NRXN3: variants seen among roughly 807,000 people sequenced by gnomAD.
The protein encoded by NRXN3 is neurexin 3.
NRXN3 carries 32 observed loss-of-function variants against 137.6 expected under a neutral mutation model. The ratio of observed to expected loss-of-function variants is 0.23; its 90% CI spans 0.18 to 0.31. NRXN3 has a LOEUF of 0.31. NRXN3 is among the 10% of genes least tolerant of loss of function. The pLI, the probability that NRXN3 is intolerant of heterozygous loss-of-function variation, is 1.00. For missense variants in NRXN3, 1,574 were observed against 2,062.5 expected (o/e 0.76, Z 4.59); for synonymous variants, 798 against 784.5 (o/e 1.02, Z -0.29).
chr14:79,397,062 A>G (rs1404083752), intron 15 of NRXN3, among the ~76,000 whole-genome samples: 1 of 152,232 alleles, frequency 6.6e-6, no homozygotes, highest in Non-Finnish European at 1.5e-5. Flanking sequence ...TTGGAAACAT[A>G]CAGAAAGGTG....
chr14:79,115,336 A>AAAG (rs1568331802), intron 15 of NRXN3, among the ~76,000 whole-genome samples: 1 of 151,518 alleles, frequency 6.6e-6, no homozygotes, highest in African/African-American at 2.4e-5. Flanking sequence ...AAAAAAAAAA[A>AAAG]AAAAAGAAAA....
chr14:79,270,700 T>A (rs2079173269), intron 15 of NRXN3, among the ~76,000 whole-genome samples: 1 of 152,190 alleles, frequency 6.6e-6, no homozygotes, highest in Non-Finnish European at 1.5e-5. Flanking sequence ...AAAGAACAAC[T>A]AATTCTGCCT....
chr14:78,954,701 G>A (rs889881449), intron 10 of NRXN3, among the ~76,000 whole-genome samples: 4 of 151,158 alleles, frequency 2.6e-5, no homozygotes, highest in African/African-American at 4.9e-5. Flanking sequence ...TCCTGACCTC[G>A]TGATCTGCCC....
intron 16 of NRXN3, among the ~76,000 whole-genome samples, chr14:79,653,438 A>G (rs941699015): frequency 6.6e-6 from 1 of 152,208 alleles, no homozygotes; most frequent in African/African-American, 2.4e-5. Flanking sequence ...AACTAGATAC[A>G]TTTTCCAAAC....
At chr14:79,550,212 A>G (rs1028801776) in intron 16 of NRXN3, among the ~76,000 whole-genome samples, 1 of 151,780 alleles carries the variant, frequency 6.6e-6, no homozygotes, top group African/African-American at 2.4e-5. Flanking sequence ...CTCATGATCC[A>G]CCCGCCTCAG....
rs1318044329 is a variant in NRXN3, at chr14:78,714,858, A to G, written c.1763A>G (p.Asn588Ser). 4.3e-6 allele frequency: 7 copies of G among 1,614,150 alleles called. No individual in the cohort carries two copies. Among genetic ancestry groups the G allele is most frequent in the African/African-American group, 1.3e-5 (1 of 75,044 alleles). Reference protein sequence around the residue: ...GDMYLGGLPENRAGLILPTEL... With the variant: ...GDMYLGGLPESRAGLILPTEL... Reference sequence around the variant, plus strand: ...ATGTACCTGGGAGGGCTGCCGGAGAACCGTGCTGGCCTTATTCTCCCCACC... The same window carrying G: ...ATGTACCTGGGAGGGCTGCCGGAGAGCCGTGCTGGCCTTATTCTCCCCACC... Residue 588 changes from asparagine to serine, a missense_variant, in exon 8 of 21, where the codon AAC becomes AGC. Asn to Ser is a conservative substitution (Grantham distance 46). Transcript: ENST00000335750.
At chr14:79,487,457 C>T (rs1027686482) in intron 16 of NRXN3, among the ~76,000 whole-genome samples, 1 of 152,140 alleles carries the variant, frequency 6.6e-6, no homozygotes, top group Non-Finnish European at 1.5e-5. Context: ...GACAGACTCC[C>T]AATTCAGTGT....
chr14:79,334,498 CAGTG>C (rs1167510300), intron 15 of NRXN3, among the ~76,000 whole-genome samples: 1 of 152,200 alleles, frequency 6.6e-6, no homozygotes, highest in African/African-American at 2.4e-5. Context: ...GGCTAGAAGA[CAGTG>C]AGCCCGCAGG....
At chr14:79,709,905 C>T (rs2098796520) in intron 19 of NRXN3, among the ~76,000 whole-genome samples, 1 of 151,870 alleles carries the variant, frequency 6.6e-6, no homozygotes, top group African/African-American at 2.4e-5. Flanking sequence ...ATCTATCTAT[C>T]CTGTTAGAGG....
intron 8 of NRXN3, among the ~76,000 whole-genome samples, chr14:78,786,947 ACTTT>A (rs1162394153): frequency 1.3e-5 from 2 of 152,286 alleles, no homozygotes; most frequent in East Asian, 1.9e-4. Flanking sequence ...GTAAATTTCA[ACTTT>A]CTTTCTAACT....
chr14:79,230,868 C>T (rs2072052848), intron 15 of NRXN3, among the ~76,000 whole-genome samples: 1 of 152,044 alleles, frequency 6.6e-6, no homozygotes, highest in Non-Finnish European at 1.5e-5. Flanking sequence ...TCTCCTTTTA[C>T]TCATCTGTAA....
intron 10 of NRXN3, among the ~76,000 whole-genome samples, chr14:78,899,790 G>T (rs2099189648): frequency 6.6e-6 from 1 of 151,870 alleles, no homozygotes; most frequent in Admixed American, 6.6e-5. Flanking sequence ...ACTACTTCTT[G>T]AAGTTTATAT....
In NRXN3 at chr14:79,761,684, C is replaced by CAAA. The variant is rs10599873; in HGVS notation, c.4015-43405_4015-43403dup. 1.5e-3 allele frequency among the ~76,000 whole-genome samples: 115 copies of CAAA among 78,816 alleles called. 4 individuals are homozygous for CAAA. Among genetic ancestry groups the CAAA allele is most frequent in the African/African-American group, 4.9e-3 (93 of 18,880 alleles). 51.7% of individuals were successfully genotyped at this position (78,816 alleles called of 152,430 possible). ...CTGGCAACAAAGCGAGACTCTGTCT[C>CAAA]AAAAAAAAAAAAAAAAAAAAAAAAA... On this transcript the variant is annotated intron_variant, in intron 19 of 20. Coordinates refer to ENST00000335750, the MANE Select transcript of NRXN3 (RefSeq NM_001330195.2).
At chr14:78,456,267 C>A (rs2094697843) in intron 4 of NRXN3, among the ~76,000 whole-genome samples, 2 of 152,176 alleles carry the variant, frequency 1.3e-5, no homozygotes, top group African/African-American at 4.8e-5. Context: ...AGGAAGTAAA[C>A]CTTGTAAAGA....
chr14:78,915,983 A>G (rs913936311), intron 10 of NRXN3, among the ~76,000 whole-genome samples: 1 of 152,166 alleles, frequency 6.6e-6, no homozygotes, highest in African/African-American at 2.4e-5. Context: ...TGTCCCTATA[A>G]GAAGATACTC....
intron 16 of NRXN3, among the ~76,000 whole-genome samples, chr14:79,514,614 T>A (rs1786876205): frequency 6.6e-6 from 1 of 152,176 alleles, no homozygotes; most frequent in African/African-American, 2.4e-5. Flanking sequence ...ATTCTGTTAA[T>A]ATATGAATTT....
chr14:78,674,514 T>C (rs1182497691), intron 6 of NRXN3, among the ~76,000 whole-genome samples: 1 of 152,236 alleles, frequency 6.6e-6, no homozygotes, highest in Non-Finnish European at 1.5e-5. Context: ...CTTTCATGCC[T>C]AGGGCATGTA....
chr14:79,059,400 G>T (rs1334453573), intron 15 of NRXN3, among the ~76,000 whole-genome samples: 1 of 151,820 alleles, frequency 6.6e-6, no homozygotes, highest in Non-Finnish European at 1.5e-5. Context: ...TGAGACTACA[G>T]GCGCCCGCCA....
intron 4 of NRXN3, among the ~76,000 whole-genome samples, chr14:78,493,539 TAAA>T (rs2095709151): frequency 6.8e-6 from 1 of 147,616 alleles, no homozygotes; most frequent in Non-Finnish European, 1.5e-5. Context: ...AATAAATAAA[TAAA>T]TAAATAAATA....
Sources: allele counts gnomAD v4.1 joint callset (sites outside exome capture counted in the v4.1 genomes callset), GRCh38; gene constraint gnomAD v4.1.1; transcripts MANE v1.5; gene names NCBI Gene and HGNC (gene_info 2026-07-23, HGNC 2026-07-21).